Variants in CLMN observed in about 807,000 individuals in gnomAD.
CLMN encodes the protein calmin (calponin-like, transmembrane).
In CLMN, 57 loss-of-function variants were observed where a neutral mutation model predicts 92.7. The observed-to-expected ratio is 0.61, with a 90% confidence interval of 0.50 to 0.77. CLMN has a LOEUF of 0.77. CLMN is among the 30% of genes least tolerant of loss of function. CLMN has a pLI of 0.00. For missense variants in CLMN, 1,158 were observed against 1,237.5 expected (o/e 0.94, Z 0.96); for synonymous variants, 466 against 470.6 (o/e 0.99, Z 0.13).
chr14:95,208,759 GAAAATTCCAGA>G (rs1897115271), intron 8 of CLMN, among the ~76,000 whole-genome samples: 2 of 152,164 alleles, frequency 1.3e-5, no homozygotes, highest in African/African-American at 4.8e-5. Context: ...AGATTAAATG[GAAAATTCCAGA>G]AATAAACAAT....
chr14:95,203,608 T>G lies in CLMN; in HGVS notation c.1741A>C (p.Asn581His). 1 of 1,614,164 alleles carries G rather than the reference T, an allele frequency of 6.2e-7. No individual in the cohort carries two copies. The highest frequency in any genetic ancestry group is 8.5e-7 in the Non-Finnish European group (1 of 1,180,016). The change falls in exon 9 of 13, where the codon AAC (asparagine) becomes CAC (histidine). Residue 581 changes from asparagine (N) to histidine (H), a missense_variant. Coordinates refer to ENST00000298912, the MANE Select transcript of CLMN (RefSeq NM_024734.4). ...IDFASTSQAF[N>H]KVPSPHETKP... ...GTCTCATGAGGTGAAGGAACTTTGTTGAAAGCCTGGCTGGTAGAAGCAAAA... is the reference window on the plus strand; with the variant it reads ...GTCTCATGAGGTGAAGGAACTTTGTGGAAAGCCTGGCTGGTAGAAGCAAAA...
Position 95,209,431 on chromosome 14 carries a change from C to T in CLMN, c.849G>A (p.Val283=). The part of the protein sequence containing the change: ...TPDEQSIMTY[V]AQFLERFPEL... ...CCGGAAAACGTTCTAGAAACTGTGC[C>T]ACGTAAGTCATGATAGACTGCTCGT... The change falls in exon 8 of 13, where the codon GTG becomes GTA. Residue 283 remains valine, a synonymous_variant. Coordinates refer to ENST00000298912, the MANE Select transcript of CLMN (RefSeq NM_024734.4). 6.2e-7 allele frequency: 1 copy of T among 1,614,152 alleles called. No individual in the cohort carries two copies. Among genetic ancestry groups the T allele is most frequent in the Middle Eastern group, 1.6e-4 (1 of 6,062 alleles).
chr14:95,215,558 C>T (rs1897312693), intron 5 of CLMN, 83 bp downstream of exon 5: 1 of 1,206,262 alleles, frequency 8.3e-7, no homozygotes, highest in Non-Finnish European at 1.2e-6. Flanking sequence ...CACTGCCTCC[C>T]TTAATCTGGC....
intron 2 of CLMN, among the ~76,000 whole-genome samples, chr14:95,226,372 G>GT (rs937191345): frequency 3.0e-4 from 45 of 149,478 alleles, no homozygotes; most frequent in African/African-American, 3.2e-4. Flanking sequence ...TACAGATGCA[G>GT]TTTTTTTTTT....
chr14:95,206,576 TAACTC>T (rs1180573858), intron 8 of CLMN, among the ~76,000 whole-genome samples: 2 of 152,326 alleles, frequency 1.3e-5, no homozygotes, highest in East Asian at 3.9e-4. Flanking sequence ...TGAAATGAAA[TAACTC>T]AGCAGAATTG....
At chr14:95,244,014 A>G (rs1356599806) in intron 1 of CLMN, among the ~76,000 whole-genome samples, 3 of 152,056 alleles carry the variant, frequency 2.0e-5, no homozygotes, top group Non-Finnish European at 4.4e-5. Flanking sequence ...AAAGGCGTGT[A>G]GCACCTTCCC....
intron 2 of CLMN, among the ~76,000 whole-genome samples, chr14:95,228,498 G>T (rs1319420790): frequency 6.6e-6 from 1 of 152,214 alleles, no homozygotes; most frequent in Non-Finnish European, 1.5e-5. Context: ...GTGGCCGAAT[G>T]CCTGCTCGGG....
rs1899144858 is a variant in CLMN at position 95,259,057 on chromosome 14, T to C, written c.83-28924A>G. ...TGTGTGGTGTGGTGTGTGGAGAATG[T>C]GTTTGTATGTATGTGTGATATGTGT... On this transcript the variant is annotated intron_variant, in intron 1 of 12. Coordinates refer to ENST00000298912, the MANE Select transcript of CLMN (RefSeq NM_024734.4). The surrounding 1 kb of genome is among the most constrained non-coding windows in gnomAD (Gnocchi z 4.3). Among the ~76,000 whole-genome samples, 1 of 151,822 alleles carries C rather than the reference T, an allele frequency of 6.6e-6. No individual in the cohort carries two copies. The highest frequency in any genetic ancestry group is 2.1e-4 in the South Asian group (1 of 4,808).
intron 1 of CLMN, among the ~76,000 whole-genome samples, chr14:95,297,080 A>G (rs1900836830): frequency 6.6e-6 from 1 of 152,140 alleles, no homozygotes; most frequent in Admixed American, 6.5e-5. Context: ...TTGGACTCCT[A>G]TCTGTGGCTT....
intron 1 of CLMN, among the ~76,000 whole-genome samples, chr14:95,280,412 T>C (rs547136741): frequency 3.3e-5 from 5 of 152,326 alleles, no homozygotes; most frequent in African/African-American, 1.2e-4. Context: ...TTATTTGCCT[T>C]TTAAATACAG....
chr14:95,211,567 G>C (rs1011898684), intron 6 of CLMN, among the ~76,000 whole-genome samples: 5 of 151,054 alleles, frequency 3.3e-5, no homozygotes, highest in African/African-American at 1.2e-4. Flanking sequence ...CAAAAGAGGA[G>C]AGAATCTTGC....
chr14:95,224,703 G>C (rs972476842), intron 2 of CLMN, among the ~76,000 whole-genome samples: 3 of 151,534 alleles, frequency 2.0e-5, no homozygotes, highest in African/African-American at 7.3e-5. Context: ...AGGGCTGAAC[G>C]CAAGTGTACC....
At chr14:95,262,417 C>T (rs1451749878) in intron 1 of CLMN, among the ~76,000 whole-genome samples, 1 of 152,168 alleles carries the variant, frequency 6.6e-6, no homozygotes, top group Non-Finnish European at 1.5e-5. Flanking sequence ...AAGATATCCA[C>T]GTGACATTTA....
At position 95,204,473 on chromosome 14, in the gene CLMN, A is replaced by C; in HGVS notation, c.886-10T>G. ...AATCGAAAATATCTTCCTGCAAAAA[A>C]AAACAAAAACAAACAAACAAAAAAA... On this transcript the variant is annotated splice_polypyrimidine_tract_variant and intron_variant, in intron 8 of 12. Transcript: ENST00000298912. 1 of 1,550,298 alleles carries C rather than the reference A, an allele frequency of 6.5e-7. No homozygotes were observed. Among genetic ancestry groups the C allele is most frequent in the Non-Finnish European group, 8.7e-7 (1 of 1,154,524 alleles).
chr14:95,268,140 T>C (rs1437153113), intron 1 of CLMN, among the ~76,000 whole-genome samples: 1 of 152,182 alleles, frequency 6.6e-6, no homozygotes, highest in Admixed American at 6.5e-5. Flanking sequence ...TAATCTCTTA[T>C]ATATTTCAAA....
chr14:95,206,204 T>G (rs1897042862), intron 8 of CLMN, among the ~76,000 whole-genome samples: 1 of 152,090 alleles, frequency 6.6e-6, no homozygotes, highest in South Asian at 2.1e-4. Flanking sequence ...AGCAATCAAG[T>G]CATCAGGAAA....
At chr14:95,315,312 C>T (rs1053835235) in intron 1 of CLMN, among the ~76,000 whole-genome samples, 3 of 152,044 alleles carry the variant, frequency 2.0e-5, no homozygotes, top group Admixed American at 6.5e-5. Flanking sequence ...ACCATGATAC[C>T]ATTTGTCCTG....
rs184459108 is a variant in CLMN at position 95,213,046 on chromosome 14, C to T, written c.608+173G>A. On this transcript the variant is annotated intron_variant, in intron 6 of 12. Coordinates refer to ENST00000298912, the MANE Select transcript of CLMN (RefSeq NM_024734.4). Reference sequence around the variant, plus strand: ...TGGTGATCCACTCGCCTCGGCCTCCCAAAGTGCTGGGATTACAGGCATGAG... The same window carrying T: ...TGGTGATCCACTCGCCTCGGCCTCCTAAAGTGCTGGGATTACAGGCATGAG... Among the ~76,000 whole-genome samples, 6 of 152,304 alleles carry T rather than the reference C, an allele frequency of 3.9e-5. No individual in the cohort carries two copies. In the East Asian group the frequency reaches 1.2e-3, roughly 29 times the overall value.
At position 95,234,272 on chromosome 14, in the gene CLMN, G is replaced by A. The variant is rs139546886; in HGVS notation, c.83-4139C>T. 1.5e-3 allele frequency among the ~76,000 whole-genome samples: 226 copies of A among 152,226 alleles called. 1 individual carries two copies. Among genetic ancestry groups the A allele is most frequent in the Middle Eastern group, 6.8e-3 (2 of 294 alleles). The stretch of plus-strand genomic sequence containing the variant: ...GCCGCAAGCAAGGCCAGTTTCCTCC[G>A]TCCCCAGGGTCCCCCAGCATTGCTC... On this transcript the variant is annotated intron_variant, in intron 1 of 12. Transcript: ENST00000298912.
Sources: allele counts gnomAD v4.1 joint callset (sites outside exome capture counted in the v4.1 genomes callset), GRCh38; gene constraint gnomAD v4.1.1; non-coding constraint Gnocchi (gnomAD v3.1); transcripts MANE v1.5; gene names NCBI Gene and HGNC (gene_info 2026-07-23, HGNC 2026-07-21).